Variants in FRMD4B observed in about 807,000 individuals in gnomAD.
FRMD4B encodes the protein FERM domain-containing protein 4B.
A neutral mutation model predicts 141.5 loss-of-function variants in FRMD4B; 74 were observed. That is an observed-to-expected ratio of 0.52 (90% CI 0.43 to 0.63). The LOEUF (loss-of-function observed/expected upper bound fraction) is 0.63, where lower values mean the gene tolerates loss of function less well. Ranked by LOEUF, FRMD4B falls within the 30% of genes least tolerant of loss-of-function variation. The pLI is 0.00. For missense variants in FRMD4B, 1,366 were observed against 1,253.4 expected, an observed-to-expected ratio of 1.09 and a Z score of -1.36; for synonymous variants, 506 against 467.9, an observed-to-expected ratio of 1.08 and a Z score of -1.05.
At chr3:69,431,638 G>A (rs1046939201) in intron 2 of FRMD4B, among the ~76,000 whole-genome samples, 5 of 152,092 alleles carry the variant, frequency 3.3e-5, no homozygotes, top group Admixed American at 1.3e-4. Flanking sequence ...AATATCACCC[G>A]CATTTTACAG....
intron 7 of FRMD4B, among the ~76,000 whole-genome samples, chr3:69,231,473 A>G (rs973714735): frequency 1.3e-5 from 2 of 152,168 alleles, no homozygotes; most frequent in African/African-American, 4.8e-5. Flanking sequence ...TTTTTAGTAG[A>G]GACGGGGTTT....
chr3:69,171,121 A>G lies in FRMD4B; in HGVS notation c.*740T>C, dbSNP rs2092582555. On this transcript the variant is annotated 3_prime_UTR_variant, in exon 23 of 23. Transcript: ENST00000398540. ...GGAAAAAGGAGCTCCATGATATTGT[A>G]CCTTAGAATGTTCTCCAAGCAGACT... 1.3e-5 allele frequency: 2 copies of G among 152,174 alleles called. No homozygotes were observed. The highest frequency in any genetic ancestry group is 2.9e-5 in the Non-Finnish European group (2 of 68,040). 9.4% of individuals were successfully genotyped at this position (152,174 alleles called of 1,614,324 possible).
In FRMD4B at chr3:69,198,574, T is replaced by C. The variant is rs2092932124; in HGVS notation, c.953+124A>G. On this transcript the variant is annotated intron_variant, in intron 12 of 22. Coordinates refer to ENST00000398540, the MANE Select transcript of FRMD4B (RefSeq NM_015123.3). ...GTTACCATTTGACCCAGCAATTCCA[T>C]TCCTAGGTATACACCCAAGAGAAAT... 1.1e-5 allele frequency: 7 copies of C among 636,654 alleles called. No homozygotes were observed. In the South Asian group the frequency reaches 1.2e-4, roughly 10 times the overall value. The allele number at this position is 636,654 out of a possible 1,614,324, so 39.4% of individuals were successfully genotyped here.
chr3:69,248,458 C>T (rs145202763), intron 7 of FRMD4B, among the ~76,000 whole-genome samples: 15 of 152,204 alleles, frequency 9.9e-5, no homozygotes, highest in Non-Finnish European at 1.8e-4. Flanking sequence ...TTTGTTAGTC[C>T]GTTAAGGGGC....
intron 5 of FRMD4B, among the ~76,000 whole-genome samples, chr3:69,267,634 TATAGAGAGAGAGAGAGAGAGAG>T (rs1559765510): frequency 5.2e-3 from 53 of 10,222 alleles, no homozygotes; most frequent in Non-Finnish European, 9.4e-3. Flanking sequence ...TATATATATA[TATAGAGAGAGAGAGAGAGAGAG>T]AGAGAGAGAG....
intron 5 of FRMD4B, among the ~76,000 whole-genome samples, chr3:69,270,080 GATCATAGCTCACTGCAGCCTC>G (rs2093587358): frequency 6.6e-6 from 1 of 151,784 alleles, no homozygotes; most frequent in African/African-American, 2.4e-5. Context: ...GCAGTGGCAT[GATCATAGCTCACTGCAGCCTC>G]AACCTGCAGG....
chr3:69,171,937 T>C lies in FRMD4B; in HGVS notation c.3029A>G (p.Gln1010Arg), dbSNP rs746628491. 1 of 1,612,892 alleles carries C rather than the reference T, an allele frequency of 6.2e-7. No individual in the cohort carries two copies. Among genetic ancestry groups the C allele is most frequent in the South Asian group, 1.1e-5 (1 of 91,060 alleles). Residue 1010 changes from glutamine (Q) to arginine (R), a missense_variant, in exon 23 of 23, where the codon CAG becomes CGG. Physicochemically the swap from Gln to Arg is conservative, Grantham distance 43. Transcript: ENST00000398540. The stretch of plus-strand genomic sequence containing the variant: ...ACTACTCTCCAGGTTGTCTTCCAGC[T>C]GGTTTCCATCTGTACCATCCAGTTG... ...ISQLDGTDGNQLEDNLESSEQ... is the reference protein window; with the variant it reads ...ISQLDGTDGNRLEDNLESSEQ...
In FRMD4B at chr3:69,397,002, G is replaced by A. The variant is rs574024132; in HGVS notation, c.-1+35632C>T. ...AATGGAATGTTAGCAATAAAAAGGA[G>A]TGAGGTATATACTCAAGGGAATTGA... On this transcript the variant is annotated intron_variant, in intron 2 of 5. Transcript: ENST00000459638. Among the ~76,000 whole-genome samples, 15 of 152,292 alleles carry A rather than the reference G, an allele frequency of 9.8e-5. No homozygotes were observed. In the South Asian group the frequency reaches 2.5e-3, roughly 25 times the overall value.
At chr3:69,238,085 C>T (rs981724897) in intron 7 of FRMD4B, among the ~76,000 whole-genome samples, 1 of 152,100 alleles carries the variant, frequency 6.6e-6, no homozygotes, top group South Asian at 2.1e-4. Flanking sequence ...TGACAAGTGC[C>T]TAGGATGCAT....
chr3:69,424,873 A>G (rs1362687246), intron 2 of FRMD4B, among the ~76,000 whole-genome samples: 2 of 152,220 alleles, frequency 1.3e-5, no homozygotes, highest in Non-Finnish European at 2.9e-5. Flanking sequence ...ATTCTAAATA[A>G]CAAGTTATAT....
chr3:69,251,869 A>G (rs1239791804), intron 5 of FRMD4B, among the ~76,000 whole-genome samples: 1 of 152,258 alleles, frequency 6.6e-6, no homozygotes, highest in Non-Finnish European at 1.5e-5. Context: ...GAAAGGCTAC[A>G]TTCCTTAGTT....
intron 2 of FRMD4B, among the ~76,000 whole-genome samples, chr3:69,397,546 GA>G (rs1704493051): frequency 6.6e-6 from 1 of 152,020 alleles, no homozygotes; most frequent in South Asian, 2.1e-4. Flanking sequence ...TTTAAAAAAA[GA>G]AATGAAATCT....
Position 69,311,274 on chromosome 3 carries a change from G to T in FRMD4B, c.312C>A (p.Phe104Leu), listed in dbSNP as rs750805863. The change falls in exon 3 of 23, where the codon TTC (phenylalanine) becomes TTA (leucine). Residue 104 changes from phenylalanine (F) to leucine (L), a missense_variant. Phe to Leu is a conservative substitution (Grantham distance 22). Coordinates refer to ENST00000398540, the MANE Select transcript of FRMD4B (RefSeq NM_015123.3). Reference protein sequence around the residue: ...LKEKEYFGITFIDDTGQQNWL... With the variant: ...LKEKEYFGITLIDDTGQQNWL... ...ATTAAAGGACTTACGTGTCATCTAT[G>T]AATGTTATTCCAAAATACTCCTTTT... 6 of 1,499,366 alleles carry T rather than the reference G, an allele frequency of 4.0e-6. No homozygotes were observed. In the African/African-American group the frequency reaches 4.1e-5, roughly 10 times the overall value. The allele number at this position is 1,499,366 out of a possible 1,614,324, so 92.9% of individuals were successfully genotyped here.
chr3:69,446,829 C>G (rs374213369), intron 1 of FRMD4B, among the ~76,000 whole-genome samples: 1 of 152,108 alleles, frequency 6.6e-6, no homozygotes, highest in South Asian at 2.1e-4. Context: ...ACACAAGACC[C>G]TTTGGAGACA....
At chr3:69,418,553 C>G (rs778189499) in intron 2 of FRMD4B, among the ~76,000 whole-genome samples, 1 of 152,202 alleles carries the variant, frequency 6.6e-6, no homozygotes. Flanking sequence ...AAGACGTTCT[C>G]TTGCTGTCTT....
At chr3:69,183,469 AG>A (rs2092730325) in intron 19 of FRMD4B, among the ~76,000 whole-genome samples, 1 of 146,720 alleles carries the variant, frequency 6.8e-6, no homozygotes, top group African/African-American at 2.6e-5. Flanking sequence ...CACAATTAGA[AG>A]TTAATTTTTT....
At chr3:69,455,293 T>C (rs541402851) in intron 1 of FRMD4B, among the ~76,000 whole-genome samples, 4 of 152,354 alleles carry the variant, frequency 2.6e-5, no homozygotes, top group East Asian at 1.9e-4. Context: ...TCTGTTTACA[T>C]AATGTGGGAG....
intron 1 of FRMD4B, among the ~76,000 whole-genome samples, chr3:69,499,124 G>C (rs1417247786): frequency 6.6e-6 from 1 of 152,184 alleles, no homozygotes; most frequent in East Asian, 1.9e-4. Flanking sequence ...CAAAGGTCCT[G>C]AGGCAGGAAT....
At chr3:69,447,571 C>T (rs1705428191) in intron 1 of FRMD4B, among the ~76,000 whole-genome samples, 2 of 152,146 alleles carry the variant, frequency 1.3e-5, no homozygotes, top group Admixed American at 1.3e-4. Context: ...TGAATAAATT[C>T]AGGAGATACA....
Sources: allele counts gnomAD v4.1 joint callset (sites outside exome capture counted in the v4.1 genomes callset), GRCh38; gene constraint gnomAD v4.1.1; transcripts MANE v1.5; gene names NCBI Gene and HGNC (gene_info 2026-07-23, HGNC 2026-07-21).